Variants in ABCC4 observed in about 807,000 individuals in gnomAD.
ABCC4 encodes the protein ATP binding cassette subfamily C member 4 (PEL blood group), also known as ATP-binding cassette sub-family C member 4.
A neutral mutation model predicts 168.5 loss-of-function variants in ABCC4; 102 were observed. That is an observed-to-expected ratio of 0.61 (90% CI 0.52 to 0.71). The LOEUF (loss-of-function observed/expected upper bound fraction) is 0.71, where lower values mean the gene tolerates loss of function less well. Among genes scored for constraint, ABCC4 ranks in the 30% least tolerant of loss-of-function variants. The pLI, the probability that ABCC4 is intolerant of heterozygous loss-of-function variation, is 0.00. For missense variants in ABCC4, 1,402 were observed against 1,605.8 expected (o/e 0.87, Z 2.17); for synonymous variants, 617 against 590.7 (o/e 1.04, Z -0.65).
intron 3 of ABCC4, 65 bp from the exon 4 acceptor site, chr13:95,234,899 T>G (rs2039722945): frequency 8.5e-7 from 1 of 1,173,550 alleles, no homozygotes; most frequent in Non-Finnish European, 1.2e-6. Flanking sequence ...TCTTTTTACT[T>G]TCTCTTTTTT....
intron 10 of ABCC4, among the ~76,000 whole-genome samples, chr13:95,188,116 T>C (rs2038127017): frequency 6.6e-6 from 1 of 152,172 alleles, no homozygotes; most frequent in African/African-American, 2.4e-5. Flanking sequence ...AGATGTCTTG[T>C]AGCATCTAGG....
intron 19 of ABCC4, among the ~76,000 whole-genome samples, chr13:95,157,088 CCA>C (rs67671921): frequency 0.22 from 29,110 of 134,422 alleles, 3,468 homozygotes; most frequent in East Asian, 0.52. Flanking sequence ...TGAGACTCTA[CCA>C]CACACACACA....
At chr13:95,262,956 C>T (rs1471177546) in intron 1 of ABCC4, among the ~76,000 whole-genome samples, 3 of 152,028 alleles carry the variant, frequency 2.0e-5, no homozygotes, top group East Asian at 1.9e-4. Context: ...TTCTTATTCC[C>T]GCTCTTAGAG....
At chr13:95,021,760 G>T in intron 30 of ABCC4, 78 bp from the exon 31 acceptor site, 1 of 956,058 alleles carries the variant, frequency 1.0e-6, no homozygotes, top group Non-Finnish European at 1.6e-6. Context: ...GCACTTCTGT[G>T]TCTACTTCTT....
chr13:95,272,840 A>G (rs1225168780), intron 1 of ABCC4, among the ~76,000 whole-genome samples: 1 of 152,224 alleles, frequency 6.6e-6, no homozygotes, highest in African/African-American at 2.4e-5. Context: ...GTGAGCCAAG[A>G]TGTCACCATT....
At chr13:95,160,761 G>A (rs1013339564) in intron 19 of ABCC4, among the ~76,000 whole-genome samples, 2 of 152,180 alleles carry the variant, frequency 1.3e-5, no homozygotes, top group African/African-American at 4.8e-5. Context: ...TGCACGGCCT[G>A]TCTCACGTCA....
intron 11 of ABCC4, among the ~76,000 whole-genome samples, chr13:95,182,877 A>G (rs1485791544): frequency 1.3e-5 from 2 of 152,200 alleles, no homozygotes; most frequent in African/African-American, 4.8e-5. Context: ...ATTTGCTACG[A>G]TATCTCTTTG....
chr13:95,219,194 C>G (rs1322134041), intron 4 of ABCC4, among the ~76,000 whole-genome samples: 1 of 152,136 alleles, frequency 6.6e-6, no homozygotes, highest in Non-Finnish European at 1.5e-5. Flanking sequence ...GGCCACATCC[C>G]CCCACCATGG....
intron 4 of ABCC4, among the ~76,000 whole-genome samples, chr13:95,217,789 T>C (rs2039164447): frequency 6.6e-6 from 1 of 152,108 alleles, no homozygotes; most frequent in Admixed American, 6.6e-5. Context: ...ACCTTCACGA[T>C]GCAAATTCCT....
chr13:95,234,330 G>C (rs2039702985), intron 4 of ABCC4, among the ~76,000 whole-genome samples: 1 of 152,298 alleles, frequency 6.6e-6, no homozygotes. Context: ...AGGCAGCCAT[G>C]CCCTGACAGC....
At chr13:95,261,383 A>G in intron 1 of ABCC4, among the ~76,000 whole-genome samples, 1 of 152,156 alleles carries the variant, frequency 6.6e-6, no homozygotes, top group East Asian at 1.9e-4. Flanking sequence ...CAAGAGGCAG[A>G]TGTTGCAGTG....
intron 26 of ABCC4, among the ~76,000 whole-genome samples, chr13:95,062,463 C>T (rs916949394): frequency 4.7e-5 from 7 of 147,474 alleles, no homozygotes; most frequent in African/African-American, 1.8e-4. Flanking sequence ...GTACAGAAAT[C>T]TATCTGCGTA....
chr13:95,267,227 G>A (rs1462223480), intron 1 of ABCC4, among the ~76,000 whole-genome samples: 1 of 152,114 alleles, frequency 6.6e-6, no homozygotes, highest in African/African-American at 2.4e-5. Flanking sequence ...CCCCCGTGTT[G>A]TGAGAGGGCC....
rs144947413 is a variant in ABCC4, at chr13:95,196,321, C to A, written c.1162-1384G>T. On this transcript the variant is annotated intron_variant, in intron 8 of 30. Transcript: ENST00000645237. ...GGACCACTCTCTCCAGCCCCCAACA[C>A]AGTTAGATGTAGCCACATGACTTTA... Among the ~76,000 whole-genome samples, 88 of 152,256 alleles carry A rather than the reference C, an allele frequency of 5.8e-4. 2 individuals are homozygous for A. In the East Asian group the frequency reaches 0.015, roughly 26 times the overall value.
At chr13:95,090,182 G>A (rs986876405) in intron 20 of ABCC4, among the ~76,000 whole-genome samples, 12 of 152,028 alleles carry the variant, frequency 7.9e-5, no homozygotes, top group Non-Finnish European at 1.2e-4. Context: ...CCTTCCCTAC[G>A]CACTGTGGTA....
intron 19 of ABCC4, among the ~76,000 whole-genome samples, chr13:95,136,912 G>A (rs1023383745): frequency 6.6e-6 from 1 of 152,218 alleles, no homozygotes; most frequent in Non-Finnish European, 1.5e-5. Flanking sequence ...CATCACATTC[G>A]TGCAGAAAGC....
intron 1 of ABCC4, among the ~76,000 whole-genome samples, chr13:95,299,822 G>A (rs1396878950): frequency 6.6e-6 from 1 of 151,970 alleles, no homozygotes; most frequent in African/African-American, 2.4e-5. Context: ...TATGTAGTTA[G>A]CAGACGGAAT....
chr13:95,062,689 C>G lies in ABCC4; in HGVS notation c.3366+15G>C, dbSNP rs749266140. 7 of 1,611,244 alleles carry G rather than the reference C, an allele frequency of 4.3e-6. No individual in the cohort carries two copies. In the South Asian group the frequency reaches 6.6e-5, roughly 15 times the overall value. On this transcript the variant is annotated intron_variant, in intron 26 of 30. Coordinates refer to ENST00000645237, the MANE Select transcript of ABCC4 (RefSeq NM_005845.5). ...CTTATAAAAGGGGCAGGTAAGGACG[C>G]TATGACTTGCATACCTGAGGTATGA... is the stretch of plus-strand genomic sequence containing the variant.
chr13:95,055,502 G>C (rs1463959435), intron 26 of ABCC4: 1 of 152,130 alleles, frequency 6.6e-6, no homozygotes, highest in Non-Finnish European at 1.5e-5. Flanking sequence ...TTTCATTAGG[G>C]TTTAAAGGTC....
Sources: gnomAD v4.1 joint callset for allele counts (sites outside exome capture counted in the v4.1 genomes callset) on GRCh38, gnomAD v4.1.1 for gene constraint, MANE v1.5 for transcripts, NCBI Gene and HGNC (gene_info 2026-07-23, HGNC 2026-07-21) for gene names.